Variants in GBE1 observed in about 807,000 individuals in gnomAD.
GBE1 encodes the protein 1,4-alpha-glucan branching enzyme 1.
In GBE1, 70 loss-of-function variants were observed where a neutral mutation model predicts 88.8. That is an observed-to-expected ratio of 0.79 (90% CI 0.65 to 0.96). The LOEUF (loss-of-function observed/expected upper bound fraction) is 0.96. Among genes scored for constraint, GBE1 ranks in the 40% least tolerant of loss-of-function variants. GBE1 has a pLI of 0.00. For synonymous variants in GBE1, 284 were observed against 300.1 expected (o/e 0.95, Z 0.56); for missense variants, 872 against 871.0 (o/e 1.00, Z -0.01).
chr3:81,575,426 C>A (rs915210200), intron 12 of GBE1, among the ~76,000 whole-genome samples: 1 of 151,994 alleles, frequency 6.6e-6, no homozygotes, highest in Non-Finnish European at 1.5e-5. Context: ...CAAAACAAAT[C>A]AGCCAAACTG....
rs147226369 is a variant in GBE1 at position 81,731,340 on chromosome 3, TC to T, written c.144-25728del. Among the ~76,000 whole-genome samples, 242 of 152,266 alleles carry T rather than the reference TC, an allele frequency of 1.6e-3. 3 individuals carry two copies. In the East Asian group the frequency reaches 0.033, roughly 21 times the overall value. Reference sequence around the variant, plus strand: ...CAAAATGGATGACTGTACATGATTTTCTTGTTTCACATTAGGTGAATGGCTC... The same window carrying T: ...CAAAATGGATGACTGTACATGATTTTTTGTTTCACATTAGGTGAATGGCTC... On this transcript the variant is annotated intron_variant, in intron 1 of 15. Coordinates refer to ENST00000429644, the MANE Select transcript of GBE1 (RefSeq NM_000158.4).
chr3:81,534,096 C>T (rs1423293945), intron 14 of GBE1, among the ~76,000 whole-genome samples: 1 of 151,992 alleles, frequency 6.6e-6, no homozygotes, highest in Non-Finnish European at 1.5e-5. Flanking sequence ...TGGCATCAGG[C>T]ACCTTGCTCA....
At chr3:81,551,497 G>A (rs1053454383) in intron 12 of GBE1, among the ~76,000 whole-genome samples, 15 of 152,196 alleles carry the variant, frequency 9.9e-5, no homozygotes, top group African/African-American at 3.4e-4. Context: ...TCTGCTCACT[G>A]AGGTCAATGC....
rs1703591103 is a variant in GBE1 at position 81,572,713 on chromosome 3, CTTG to C, written c.1618+5209_1618+5211del. ...ATGAATTAAATATTTGGTTTCTTCTCTTGTTTTTTATAATTCTATGTAGCGTTT... is the reference window on the plus strand; with the variant it reads ...ATGAATTAAATATTTGGTTTCTTCTCTTTTTTATAATTCTATGTAGCGTTT... On this transcript the variant is annotated intron_variant, in intron 12 of 15. Transcript: ENST00000429644. Among the ~76,000 whole-genome samples the C allele has an allele frequency of 7.9e-5, 12 of 152,192 alleles. No individual in the cohort carries two copies. In the South Asian group the frequency reaches 2.5e-3, roughly 32 times the overall value.
chr3:81,579,881 G>A (rs1310426876), intron 11 of GBE1, among the ~76,000 whole-genome samples: 1 of 152,082 alleles, frequency 6.6e-6, no homozygotes, highest in Non-Finnish European at 1.5e-5. Flanking sequence ...CTCTGTCTCA[G>A]CTACTCAAAT....
chr3:81,500,790 C>T lies in GBE1; in HGVS notation c.1935-1563G>A, dbSNP rs147443611. Among the ~76,000 whole-genome samples, 338 of 152,326 alleles carry T rather than the reference C, an allele frequency of 2.2e-3. 1 individual carries two copies. The highest frequency in any genetic ancestry group is 7.7e-3 in the African/African-American group (322 of 41,580). On this transcript the variant is annotated intron_variant, in intron 14 of 15. Coordinates refer to ENST00000429644, the MANE Select transcript of GBE1 (RefSeq NM_000158.4). The stretch of plus-strand genomic sequence containing the variant: ...ACTATGTTGTTATACACGTTTGACA[C>T]TGTATTTCAAAGAACGTACATGTTT...
intron 2 of GBE1, among the ~76,000 whole-genome samples, chr3:81,684,485 C>G (rs1705403666): frequency 6.6e-6 from 1 of 152,172 alleles, no homozygotes; most frequent in African/African-American, 2.4e-5. Flanking sequence ...CATGTTGTCT[C>G]ACATGGTGGA....
At chr3:81,584,753 G>T (rs1220701983) in intron 10 of GBE1, among the ~76,000 whole-genome samples, 4 of 151,288 alleles carry the variant, frequency 2.6e-5, no homozygotes, top group African/African-American at 9.7e-5. Flanking sequence ...TGTTTATTAG[G>T]TTAAATTTCA....
intron 1 of GBE1, among the ~76,000 whole-genome samples, chr3:81,730,925 T>G (rs1253984655): frequency 6.6e-6 from 1 of 152,156 alleles, no homozygotes; most frequent in East Asian, 1.9e-4. Flanking sequence ...GTACCAGTGG[T>G]AGCCAATATG....
intron 12 of GBE1, 111 bp from the exon 13 acceptor site, chr3:81,537,206 C>CATTT (rs2106872632): frequency 1.4e-6 from 1 of 712,422 alleles, no homozygotes; most frequent in East Asian, 3.3e-5. Flanking sequence ...TTTAGGCTAT[C>CATTT]ATTTACTAGA....
At chr3:81,716,879 G>C (rs1705945033) in intron 1 of GBE1, among the ~76,000 whole-genome samples, 1 of 152,176 alleles carries the variant, frequency 6.6e-6, no homozygotes, top group Admixed American at 6.5e-5. Context: ...TTCTGGCAAA[G>C]TGAAAACCTG....
chr3:81,552,596 C>T (rs1703287483), intron 12 of GBE1, among the ~76,000 whole-genome samples: 1 of 148,108 alleles, frequency 6.8e-6, no homozygotes, highest in South Asian at 2.2e-4. Flanking sequence ...CAGCAATGTC[C>T]ATAAGTGCAA....
At position 81,537,096 on chromosome 3, in the gene GBE1, C is replaced by A; in HGVS notation, c.1619-1G>T. On this transcript the variant is annotated splice_acceptor_variant, in intron 12 of 15. Coordinates refer to ENST00000429644, the MANE Select transcript of GBE1 (RefSeq NM_000158.4). LOFTEE classifies it high-confidence loss of function. ...CATTCAGGATGCCCAAATTCATTAC[C>A]TGCATTACAAAACACATGCAAATAT... 1 of 1,504,224 alleles carries A rather than the reference C, an allele frequency of 6.6e-7. No homozygotes were observed. The highest frequency in any genetic ancestry group is 8.8e-7 in the Non-Finnish European group (1 of 1,130,552). The allele number at this position is 1,504,224 out of a possible 1,614,324, so 93.2% of individuals were successfully genotyped here.
chr3:81,648,547 G>A (rs1484980544), intron 5 of GBE1, among the ~76,000 whole-genome samples: 1 of 152,064 alleles, frequency 6.6e-6, no homozygotes, highest in African/African-American at 2.4e-5. Flanking sequence ...CACTTAAATT[G>A]ATAAAGGTTT....
intron 1 of GBE1, among the ~76,000 whole-genome samples, chr3:81,732,170 T>A (rs181835856): frequency 6.6e-6 from 1 of 152,170 alleles, no homozygotes; most frequent in Admixed American, 6.6e-5. Flanking sequence ...CGAATATACA[T>A]AACACTATGA....
At chr3:81,726,242 G>A (rs1706110497) in intron 1 of GBE1, among the ~76,000 whole-genome samples, 1 of 151,588 alleles carries the variant, frequency 6.6e-6, no homozygotes, top group African/African-American at 2.4e-5. Flanking sequence ...GGGTGTGGGA[G>A]CTGGGCTTTT....
At chr3:81,748,051 C>T (rs1041481350) in intron 1 of GBE1, among the ~76,000 whole-genome samples, 1 of 152,130 alleles carries the variant, frequency 6.6e-6, no homozygotes, top group South Asian at 2.1e-4. Context: ...AATGGGGAGG[C>T]AGAGGTTGCA....
Position 81,700,098 on chromosome 3 carries a change from G to A in GBE1, c.313+5346C>T, listed in dbSNP as rs576208813. On this transcript the variant is annotated intron_variant, in intron 2 of 15. Coordinates refer to ENST00000429644, the MANE Select transcript of GBE1 (RefSeq NM_000158.4). ...ATTCTGGAGTGAATTTGACAGTTGC[G>A]GGAGAGCCACAGCTGACCACTACAG... Among the ~76,000 whole-genome samples, 8 of 152,214 alleles carry A rather than the reference G, an allele frequency of 5.3e-5. No individual in the cohort carries two copies. In the South Asian group the frequency reaches 1.7e-3, roughly 32 times the overall value.
intron 1 of GBE1, among the ~76,000 whole-genome samples, chr3:81,728,971 C>A (rs1237823483): frequency 1.3e-5 from 2 of 151,656 alleles, no homozygotes; most frequent in African/African-American, 4.8e-5. Flanking sequence ...ATTAGAGTAT[C>A]CATGCTTTTC....
Sources: gnomAD v4.1 joint callset for allele counts (sites outside exome capture counted in the v4.1 genomes callset) on GRCh38, gnomAD v4.1.1 for gene constraint, MANE v1.5 for transcripts, NCBI Gene and HGNC (gene_info 2026-07-23, HGNC 2026-07-21) for gene names.